The following GRIN2A variants were observed in gnomAD, a reference collection of about 807,000 sequenced individuals.
The protein encoded by GRIN2A is glutamate ionotropic receptor NMDA type subunit 2A.
Under a neutral mutation model 113.4 loss-of-function variants are expected in GRIN2A, and 22 were observed. The observed-to-expected ratio is 0.19, with a 90% CI of 0.14 to 0.28. The LOEUF (loss-of-function observed/expected upper bound fraction) is 0.28. Ranked by LOEUF, GRIN2A falls within the 10% of genes least tolerant of loss-of-function variation. The pLI, the probability that GRIN2A is intolerant of heterozygous loss-of-function variation, is 1.00. For synonymous variants in GRIN2A, 827 were observed against 738.4 expected, an observed-to-expected ratio of 1.12 and a Z score of -1.94; for missense variants, 1,502 against 1,887.0, an observed-to-expected ratio of 0.80 and a Z score of 3.78.
chr16:10,102,730 T>C (rs909226538), intron 2 of GRIN2A, among the ~76,000 whole-genome samples: 1 of 152,056 alleles, frequency 6.6e-6, no homozygotes, highest in African/African-American at 2.4e-5. Flanking sequence ...TGTTTCTTTA[T>C]AGCAACACAA....
chr16:10,061,980 A>C (rs896332810), intron 2 of GRIN2A, among the ~76,000 whole-genome samples: 1 of 152,186 alleles, frequency 6.6e-6, no homozygotes, highest in Non-Finnish European at 1.5e-5. Context: ...GAGAAGTACT[A>C]AAAGGGATTT....
At chr16:10,093,176 G>A (rs1463358083) in intron 2 of GRIN2A, among the ~76,000 whole-genome samples, 3 of 152,172 alleles carry the variant, frequency 2.0e-5, no homozygotes, top group Admixed American at 1.3e-4. Context: ...AGCAAGTGGG[G>A]CTCAGAGTCA....
intron 2 of GRIN2A, among the ~76,000 whole-genome samples, chr16:10,117,314 C>T (rs144624158): frequency 2.2e-4 from 33 of 152,124 alleles, no homozygotes; most frequent in South Asian, 1.7e-3. Context: ...TCTTTAGAGA[C>T]GCATATTGAA....
At chr16:10,053,016 C>A (rs530161358) in intron 2 of GRIN2A, among the ~76,000 whole-genome samples, 1 of 150,524 alleles carries the variant, frequency 6.6e-6, no homozygotes, top group African/African-American at 2.5e-5. Context: ...CCATTGCACT[C>A]CAGCCTGGGC....
chr16:10,123,011 G>C (rs546457357), intron 2 of GRIN2A, among the ~76,000 whole-genome samples: 44 of 152,290 alleles, frequency 2.9e-4, no homozygotes, highest in African/African-American at 1.0e-3. Flanking sequence ...TAAAGAACTA[G>C]AGCTGAATAA....
chr16:10,000,930 G>C (rs1451769122), intron 2 of GRIN2A, among the ~76,000 whole-genome samples: 1 of 152,110 alleles, frequency 6.6e-6, no homozygotes, highest in Admixed American at 6.5e-5. Flanking sequence ...CTGGGCCCAG[G>C]AAGTTTGTCC....
At chr16:9,830,581 T>C (rs1430485456) in intron 8 of GRIN2A, among the ~76,000 whole-genome samples, 1 of 151,680 alleles carries the variant, frequency 6.6e-6, no homozygotes, top group African/African-American at 2.4e-5. Flanking sequence ...TAAATGAAGA[T>C]ATGAAAAAAT....
intron 3 of GRIN2A, among the ~76,000 whole-genome samples, chr16:9,891,396 C>G (rs1234810378): frequency 6.6e-6 from 1 of 152,200 alleles, no homozygotes; most frequent in Non-Finnish European, 1.5e-5. Flanking sequence ...TTCTATTATA[C>G]TCTAACAAAC....
In GRIN2A at chr16:9,763,301, C is replaced by T. The variant is rs2141125189; in HGVS notation, c.4243G>A (p.Asp1415Asn). ...LRSTASYCSR[D>N]SRGHNDVYIS... is the part of the protein sequence containing the mutation. The stretch of plus-strand genomic sequence containing the variant: ...TACACATCATTGTGGCCCCGACTGT[C>T]CCTGGAACAGTACGATGCCGTTGAC... Residue 1415 changes from aspartate to asparagine, a missense_variant, in exon 13 of 13, where the codon GAC (aspartate) becomes AAC (asparagine). Transcript: ENST00000330684. 1 of 1,614,126 alleles carries T rather than the reference C, an allele frequency of 6.2e-7. No homozygotes were observed. The highest frequency in any genetic ancestry group is 8.5e-7 in the Non-Finnish European group (1 of 1,179,978).
At chr16:10,119,389 T>A (rs56133954) in intron 2 of GRIN2A, among the ~76,000 whole-genome samples, 6 of 152,018 alleles carry the variant, frequency 3.9e-5, no homozygotes, top group Admixed American at 6.5e-5. Context: ...TGATGAGTTG[T>A]TTTCATGCTT....
At chr16:10,058,161 G>A (rs569463344) in intron 2 of GRIN2A, among the ~76,000 whole-genome samples, 81 of 151,898 alleles carry the variant, frequency 5.3e-4, no homozygotes, top group African/African-American at 1.4e-3. Context: ...AGGCTGAGGC[G>A]GGAGAATTGC....
chr16:9,761,159 CT>C lies in GRIN2A; in HGVS notation c.*1989del. The C allele has an allele frequency of 4.3e-6, 1 of 232,678 alleles. No individual in the cohort carries two copies. Among genetic ancestry groups the C allele is most frequent in the South Asian group, 1.8e-4 (1 of 5,522 alleles). 14.4% of individuals were successfully genotyped at this position (232,678 alleles called of 1,614,324 possible). ...TTGACCCTGAAATTTATTGCAACCA[CT>C]TTTCATTATAGGAACACTGTAGGTC... On this transcript the variant is annotated 3_prime_UTR_variant, in exon 13 of 13. Coordinates refer to ENST00000330684, the MANE Select transcript of GRIN2A (RefSeq NM_001134407.3).
chr16:10,075,263 G>A (rs937996441), intron 2 of GRIN2A, among the ~76,000 whole-genome samples: 1 of 151,990 alleles, frequency 6.6e-6, no homozygotes, highest in Non-Finnish European at 1.5e-5. Context: ...CTGAGTTTGA[G>A]AGTTTCACAG....
intron 2 of GRIN2A, among the ~76,000 whole-genome samples, chr16:10,081,123 C>T (rs954460652): frequency 6.6e-6 from 1 of 152,140 alleles, no homozygotes; most frequent in Non-Finnish European, 1.5e-5. Context: ...TAAATATCTA[C>T]CATGGGGCAA....
chr16:9,807,439 GAGAC>G (rs1052421274), intron 10 of GRIN2A, among the ~76,000 whole-genome samples: 1 of 150,216 alleles, frequency 6.7e-6, no homozygotes, highest in Non-Finnish European at 1.5e-5. Flanking sequence ...AAGAGAGACA[GAGAC>G]AGAGAGAGAG....
At chr16:10,062,444 T>G (rs1368284756) in intron 2 of GRIN2A, among the ~76,000 whole-genome samples, 1 of 152,196 alleles carries the variant, frequency 6.6e-6, no homozygotes, top group African/African-American at 2.4e-5. Flanking sequence ...TTTCTAGAAA[T>G]GCAAATTGTC....
chr16:10,026,806 C>T (rs2046831370), intron 2 of GRIN2A, among the ~76,000 whole-genome samples: 1 of 152,186 alleles, frequency 6.6e-6, no homozygotes. Flanking sequence ...CAAAACAATG[C>T]AGAACTTGAA....
chr16:9,977,336 A>G (rs3104708), intron 2 of GRIN2A, among the ~76,000 whole-genome samples: 129,047 of 148,430 alleles, frequency 0.87, 56,638 homozygotes, highest in African/African-American at 0.94. Flanking sequence ...CGGAGTTTGA[A>G]TCCTGGGTTT....
At chr16:10,078,468 G>C (rs1316250395) in intron 2 of GRIN2A, among the ~76,000 whole-genome samples, 1 of 81,734 alleles carries the variant, frequency 1.2e-5, no homozygotes, top group East Asian at 3.9e-4. Context: ...CAAGACAAGG[G>C]GGGAAAAGCA....
Sources: gnomAD v4.1 joint callset for allele counts (sites outside exome capture counted in the v4.1 genomes callset) on GRCh38, gnomAD v4.1.1 for gene constraint, MANE v1.5 for transcripts, NCBI Gene and HGNC (gene_info 2026-07-23, HGNC 2026-07-21) for gene names.